The following SPAG16 variants were observed in gnomAD, a reference collection of about 807,000 sequenced individuals.
SPAG16 encodes the protein sperm associated antigen 16.
A neutral mutation model predicts 80.4 loss-of-function variants in SPAG16; 86 were observed. The observed-to-expected ratio is 1.07, with a 90% CI of 0.90 to 1.28. The LOEUF is 1.28. Among genes scored for constraint, SPAG16 ranks in the 50% most tolerant of loss-of-function variants. SPAG16 has a pLI of 0.00. For missense variants in SPAG16, 870 were observed against 765.3 expected, an observed-to-expected ratio of 1.14 and a Z score of -1.61; for synonymous variants, 294 against 265.9, an observed-to-expected ratio of 1.11 and a Z score of -1.03.
intron 15 of SPAG16, among the ~76,000 whole-genome samples, chr2:214,278,993 T>C (rs960607408): frequency 2.0e-5 from 3 of 152,192 alleles, no homozygotes; most frequent in Non-Finnish European, 4.4e-5. Context: ...ATTTTGAACA[T>C]GTACTTGGCT....
chr2:214,163,483 A>G (rs1224650887), intron 15 of SPAG16, among the ~76,000 whole-genome samples: 2 of 151,602 alleles, frequency 1.3e-5, no homozygotes, highest in African/African-American at 4.8e-5. Context: ...AGTATTCTCC[A>G]GATAAACAGA....
intron 15 of SPAG16, among the ~76,000 whole-genome samples, chr2:214,276,529 G>A (rs1559174753): frequency 6.6e-6 from 1 of 152,128 alleles, no homozygotes; most frequent in Non-Finnish European, 1.5e-5. Context: ...CTCTGTAAAG[G>A]ATTTTATTTC....
chr2:214,341,323 TAAAAG>T (rs1697675229), intron 15 of SPAG16, among the ~76,000 whole-genome samples: 1 of 151,844 alleles, frequency 6.6e-6, no homozygotes, highest in South Asian at 2.1e-4. Context: ...AAGAAAAAAT[TAAAAG>T]AGAGGGAGGA....
chr2:213,980,712 G>GTATATATATATATATATATA (rs1553686607), intron 12 of SPAG16, among the ~76,000 whole-genome samples: 3 of 114,010 alleles, frequency 2.6e-5, no homozygotes, highest in Admixed American at 9.8e-5. Context: ...GTGTGTGTGT[G>GTATATATATATATATATATA]TATATATATA....
chr2:213,651,750 C>T (rs1478249504), intron 10 of SPAG16, among the ~76,000 whole-genome samples: 1 of 152,132 alleles, frequency 6.6e-6, no homozygotes, highest in Non-Finnish European at 1.5e-5. Context: ...TAAGCCACCA[C>T]ATGGTATCTT....
intron 13 of SPAG16, among the ~76,000 whole-genome samples, chr2:214,090,845 C>T (rs2125312624): frequency 6.6e-6 from 1 of 152,054 alleles, no homozygotes; most frequent in South Asian, 2.1e-4. Flanking sequence ...AATATATACT[C>T]ATATAAACAC....
chr2:213,770,656 C>A (rs143053733), intron 10 of SPAG16, among the ~76,000 whole-genome samples: 328 of 152,152 alleles, frequency 2.2e-3, no homozygotes, highest in African/African-American at 7.6e-3. Flanking sequence ...TTATTCATCT[C>A]CTTGTGTTCA....
chr2:214,204,289 G>GCCCTGC (rs1017424671), intron 15 of SPAG16, among the ~76,000 whole-genome samples: 7 of 152,168 alleles, frequency 4.6e-5, no homozygotes, highest in African/African-American at 1.7e-4. Context: ...GAGCTCTATG[G>GCCCTGC]CCCTGCCCAC....
chr2:214,028,167 T>C (rs2048231115), intron 13 of SPAG16, among the ~76,000 whole-genome samples: 1 of 151,984 alleles, frequency 6.6e-6, no homozygotes, highest in Admixed American at 6.6e-5. Context: ...GCCTTTTCCG[T>C]ATTTTCTGTA....
rs142867722 is a variant in SPAG16 at position 213,724,950 on chromosome 2, A to G, written c.1071-137535A>G. Among the ~76,000 whole-genome samples, 18 of 152,250 alleles carry G rather than the reference A, an allele frequency of 1.2e-4. No homozygotes were observed. The East Asian group carries it at 3.5e-3, about 29-fold the overall frequency. ...TAATAGTTGATTTATTCAGTCAACA[A>G]ATAGGCCAGTATGCACACTCTCAAT... On this transcript the variant is annotated intron_variant, in intron 10 of 15. Transcript: ENST00000331683.
chr2:213,523,004 T>G (rs1339352486), intron 10 of SPAG16, among the ~76,000 whole-genome samples: 1 of 152,120 alleles, frequency 6.6e-6, no homozygotes, highest in Admixed American at 6.5e-5. Flanking sequence ...CTTATTAAAT[T>G]TAAAACACTT....
chr2:213,475,739 C>A (rs1450391808), intron 9 of SPAG16, among the ~76,000 whole-genome samples: 3 of 152,094 alleles, frequency 2.0e-5, no homozygotes, highest in Non-Finnish European at 4.4e-5. Flanking sequence ...GGGCTCCAAA[C>A]TGAAGCATGA....
intron 2 of SPAG16, 133 bp from the exon 3 acceptor site, chr2:213,297,129 A>G: frequency 6.8e-7 from 1 of 1,474,444 alleles, no homozygotes; most frequent in Non-Finnish European, 9.0e-7. Flanking sequence ...ATGGATCTTC[A>G]GAATGACATG....
At chr2:213,661,171 A>G (rs2063413521) in intron 10 of SPAG16, among the ~76,000 whole-genome samples, 1 of 152,174 alleles carries the variant, frequency 6.6e-6, no homozygotes, top group Non-Finnish European at 1.5e-5. Context: ...TCTTAAATAT[A>G]TGTTTGGTGT....
intron 10 of SPAG16, among the ~76,000 whole-genome samples, chr2:213,717,751 T>C (rs913809699): frequency 6.6e-6 from 1 of 152,206 alleles, no homozygotes; most frequent in East Asian, 1.9e-4. Context: ...TATAGGAAAA[T>C]AAATAGACAC....
intron 13 of SPAG16, among the ~76,000 whole-genome samples, chr2:214,065,308 A>G (rs111918793): frequency 3.3e-4 from 51 of 152,278 alleles, no homozygotes; most frequent in African/African-American, 1.1e-3. Context: ...AGGGATTTTG[A>G]CCTCAAATCG....
chr2:213,916,758 C>A (rs80283966), intron 11 of SPAG16, among the ~76,000 whole-genome samples: 6,404 of 152,190 alleles, frequency 0.042, 165 homozygotes, highest in East Asian at 0.083. Context: ...GATTACTCTG[C>A]TGACAGTTTC....
chr2:214,187,829 A>G (rs1411990551), intron 15 of SPAG16, among the ~76,000 whole-genome samples: 1 of 152,124 alleles, frequency 6.6e-6, no homozygotes, highest in Non-Finnish European at 1.5e-5. Context: ...GGAAGAAAAA[A>G]AAATGTAAAC....
At chr2:214,125,263 C>A (rs2054416516) in intron 14 of SPAG16, among the ~76,000 whole-genome samples, 1 of 151,266 alleles carries the variant, frequency 6.6e-6, no homozygotes. Context: ...TTAAAATGTT[C>A]TCTTTTTAGT....
Sources: allele counts gnomAD v4.1 joint callset (sites outside exome capture counted in the v4.1 genomes callset), GRCh38; gene constraint gnomAD v4.1.1; transcripts MANE v1.5; gene names NCBI Gene and HGNC (gene_info 2026-07-23, HGNC 2026-07-21).